The following BRDT variants were observed in gnomAD, a reference collection of about 807,000 sequenced individuals.
BRDT encodes bromodomain testis-specific protein.
Under a neutral mutation model 113.9 loss-of-function variants are expected in BRDT, and 77 were observed. That is an observed-to-expected ratio of 0.68 (90% CI 0.56 to 0.82). BRDT has a LOEUF of 0.82. BRDT is among the 40% of genes least tolerant of loss of function. The pLI is 0.00. For missense variants in BRDT, 1,027 were observed against 1,105.4 expected, an observed-to-expected ratio of 0.93 and a Z score of 1.01; for synonymous variants, 358 against 366.5, an observed-to-expected ratio of 0.98 and a Z score of 0.26.
At chr1:92,012,192 G>A (rs1488777198) in intron 18 of BRDT, among the ~76,000 whole-genome samples, 2 of 151,972 alleles carry the variant, frequency 1.3e-5, no homozygotes, top group African/African-American at 4.8e-5. Context: ...CAGCTACTTA[G>A]GAGGCTGAGG....
chr1:91,956,852 T>C (rs1459760344), intron 1 of BRDT, among the ~76,000 whole-genome samples: 1 of 152,120 alleles, frequency 6.6e-6, no homozygotes, highest in Non-Finnish European at 1.5e-5. Flanking sequence ...GGGAGGAGGA[T>C]TGCTTGCGCC....
At chr1:91,956,576 A>G (rs1557798052) in intron 1 of BRDT, among the ~76,000 whole-genome samples, 1 of 152,172 alleles carries the variant, frequency 6.6e-6, no homozygotes, top group African/African-American at 2.4e-5. Context: ...TGTTATGGTT[A>G]ACTAGGGGCC....
rs1687124854 is a variant in BRDT at position 92,004,537 on chromosome 1, G to T, written c.2512G>T (p.Val838Leu). The change falls in exon 17 of 19, where the codon GTA (valine) becomes TTA (leucine). Residue 838 changes from valine to leucine, a missense_variant. Coordinates refer to ENST00000399546, the MANE Select transcript of BRDT (RefSeq NM_207189.4). The stretch of plus-strand genomic sequence containing the variant: ...TAGAAAAGCAGCCATAGAAAAGGAA[G>T]TAAAAGCTCGGACACAGGAACTCAT... ...QFRKAAIEKE[V>L]KARTQELIRK... The T allele has an allele frequency of 6.2e-6, 10 of 1,613,318 alleles. No homozygotes were observed. The highest frequency in any genetic ancestry group is 7.6e-6 in the Non-Finnish European group (9 of 1,179,718).
chr1:91,964,590 A>G (rs776562966), intron 2 of BRDT, 37 bp from the exon 3 acceptor site: 18 of 1,274,920 alleles, frequency 1.4e-5, no homozygotes, highest in Non-Finnish European at 1.8e-5. Context: ...TAGTGTATTC[A>G]TTCTTACTAA....
At position 91,974,056 on chromosome 1, in the gene BRDT, A is replaced by G. The variant is rs1190640934; in HGVS notation, c.446-2210A>G. ...GGGGAAAGGATTCCCTATTTAATAA[A>G]TGGTGCTGGGAAAACTGGCTAGCCA... On this transcript the variant is annotated intron_variant, in intron 4 of 18. Transcript: ENST00000399546. Among the ~76,000 whole-genome samples the G allele has an allele frequency of 3.3e-5, 5 of 152,212 alleles. No homozygotes were observed. In the East Asian group the frequency reaches 9.6e-4, roughly 29 times the overall value.
chr1:92,005,332 A>G, intron 18 of BRDT, 33 bp downstream of exon 18: 1 of 1,475,674 alleles, frequency 6.8e-7, no homozygotes. Context: ...AATCTAATTT[A>G]ACAAGGGAAA....
At position 91,962,891 on chromosome 1, in the gene BRDT, A is replaced by G; in HGVS notation, c.137A>G (p.His46Arg). The G allele has an allele frequency of 6.2e-7, 1 of 1,612,204 alleles. No homozygotes were observed. Among genetic ancestry groups the G allele is most frequent in the Non-Finnish European group, 8.5e-7 (1 of 1,179,294 alleles). ...GTTGTCCTAAAGGATTTATGGAAGC[A>G]TAGTTTTTCATGGCCCTTTCAACGT... The part of the protein sequence containing the change: ...QKVVLKDLWK[H>R]SFSWPFQRPV... Residue 46 changes from histidine (H) to arginine (R), a missense_variant, in exon 2 of 19, where the codon CAT becomes CGT. Coordinates refer to ENST00000399546, the MANE Select transcript of BRDT (RefSeq NM_207189.4).
intron 7 of BRDT, among the ~76,000 whole-genome samples, chr1:91,979,057 A>G (rs1684456867): frequency 6.6e-6 from 1 of 150,430 alleles, no homozygotes; most frequent in Non-Finnish European, 1.5e-5. Flanking sequence ...TGAGAGGTCT[A>G]TCTTGCCTGA....
At position 91,981,688 on chromosome 1, in the gene BRDT, C is replaced by T; in HGVS notation, c.1935C>T (p.Ser645=). Residue 645 remains serine (S), a synonymous_variant, in exon 12 of 19, where the codon AGC becomes AGT. Coordinates refer to ENST00000399546, the MANE Select transcript of BRDT (RefSeq NM_207189.4). ...SRLSESSSSS[S]SSSESESSSS... ...TGAGTGAGAGCAGCAGCAGCAGCAGCAGCTCATCAGAGTCTGAAAGTAGCA... is the reference window on the plus strand; with the variant it reads ...TGAGTGAGAGCAGCAGCAGCAGCAGTAGCTCATCAGAGTCTGAAAGTAGCA... The T allele has an allele frequency of 6.2e-7, 1 of 1,614,202 alleles. No individual in the cohort carries two copies. Among genetic ancestry groups the T allele is most frequent in the South Asian group, 1.1e-5 (1 of 91,084 alleles).
intron 3 of BRDT, among the ~76,000 whole-genome samples, chr1:91,965,177 G>A (rs1282450635): frequency 6.6e-6 from 1 of 151,954 alleles, no homozygotes; most frequent in Admixed American, 6.6e-5. Context: ...GCCTCCCAAA[G>A]TTCTGGGATT....
intron 14 of BRDT, among the ~76,000 whole-genome samples, chr1:91,993,611 G>A (rs1035138572): frequency 2.0e-5 from 3 of 152,116 alleles, no homozygotes; most frequent in African/African-American, 7.2e-5. Flanking sequence ...TGATAGTCTT[G>A]TGGGTTGACC....
chr1:91,978,304 G>T lies in BRDT; in HGVS notation c.1098+8G>T. On this transcript the variant is annotated splice_region_variant and intron_variant, in intron 7 of 18. Coordinates refer to ENST00000399546, the MANE Select transcript of BRDT (RefSeq NM_207189.4). Reference sequence around the variant, plus strand: ...ATGGCAAGAATGCTTCAGGTGAGCTGTTACTTGTGCTCTGAAGGTGTTTTT... The same window carrying T: ...ATGGCAAGAATGCTTCAGGTGAGCTTTTACTTGTGCTCTGAAGGTGTTTTT... The T allele has an allele frequency of 6.2e-7, 1 of 1,613,484 alleles. No individual in the cohort carries two copies. Among genetic ancestry groups the T allele is most frequent in the Non-Finnish European group, 8.5e-7 (1 of 1,179,790 alleles).
In BRDT at chr1:91,964,700, C is replaced by T. The variant is rs781375003; in HGVS notation, c.266C>T (p.Ala89Val). Residue 89 changes from alanine to valine, a missense_variant, in exon 3 of 19, where the codon GCG becomes GTG. Transcript: ENST00000399546. ...IKKRLENKYY[A>V]KASECIEDFN... Reference sequence around the variant, plus strand: ...AAGCGCTTGGAGAATAAATATTATGCGAAGGCTTCAGAATGTATAGAAGAC... The same window carrying T: ...AAGCGCTTGGAGAATAAATATTATGTGAAGGCTTCAGAATGTATAGAAGAC... The T allele has an allele frequency of 9.8e-6, 15 of 1,523,558 alleles. No individual in the cohort carries two copies. Among genetic ancestry groups the T allele is most frequent in the African/African-American group, 2.7e-5 (2 of 73,098 alleles). 94.4% of individuals were successfully genotyped at this position (1,523,558 alleles called of 1,614,324 possible). A position where few individuals can be genotyped will look rare whatever the true frequency, so the allele number is the denominator to read the frequency against.
At chr1:91,953,864 A>T (rs547629992) in intron 1 of BRDT, among the ~76,000 whole-genome samples, 1 of 152,194 alleles carries the variant, frequency 6.6e-6, no homozygotes, top group East Asian at 1.9e-4. Context: ...GAACAGTTGT[A>T]ATGAGTGGTT....
At chr1:91,999,098 A>G (rs929473515) in intron 15 of BRDT, among the ~76,000 whole-genome samples, 1 of 152,072 alleles carries the variant, frequency 6.6e-6, no homozygotes, top group Admixed American at 6.6e-5. Flanking sequence ...AGGGAAGGAG[A>G]CCAGCTGGGC....
chr1:92,002,320 T>C (rs1686931383), intron 16 of BRDT, among the ~76,000 whole-genome samples, 171 bp downstream of exon 16: 3 of 152,164 alleles, frequency 2.0e-5, no homozygotes, highest in South Asian at 2.1e-4. Context: ...ATCCTTCCCC[T>C]ACCCACATAC....
At chr1:92,014,102 C>G in intron 18 of BRDT, 104 bp from the exon 19 acceptor site, 1 of 714,106 alleles carries the variant, frequency 1.4e-6, no homozygotes, top group South Asian at 2.1e-5. Context: ...GAATAGTTTT[C>G]TTTTGTATGA....
intron 17 of BRDT, 42 bp downstream of exon 17, chr1:92,004,661 G>A (rs772909679): frequency 6.7e-7 from 1 of 1,496,042 alleles, no homozygotes; most frequent in Non-Finnish European, 9.0e-7. Context: ...GGGAGATATA[G>A]AATGTATTTT....
At chr1:91,976,482 A>ATT (rs57536714) in intron 5 of BRDT, 44 bp downstream of exon 5, 4 of 1,407,028 alleles carry the variant, frequency 2.8e-6, no homozygotes, top group South Asian at 1.6e-5. Flanking sequence ...TTAACACTGG[A>ATT]TTTTTTTTTT....
Sources: allele counts gnomAD v4.1 joint callset (sites outside exome capture counted in the v4.1 genomes callset), GRCh38; gene constraint gnomAD v4.1.1; transcripts MANE v1.5; gene names NCBI Gene and HGNC (gene_info 2026-07-23, HGNC 2026-07-21).